Variants in CADM2 observed in about 807,000 individuals in gnomAD.
CADM2 encodes immunoglobulin superfamily member 4D.
CADM2 carries 12 observed loss-of-function variants against 49.8 expected under a neutral mutation model. The observed-to-expected ratio is 0.24, with a 90% confidence interval of 0.15 to 0.39. The LOEUF (loss-of-function observed/expected upper bound fraction) is 0.39, where lower values mean the gene tolerates loss of function less well. CADM2 is among the 10% of genes least tolerant of loss of function. The probability of loss-of-function intolerance (pLI) is 1.00; values close to 1 mark genes in which losing one functional copy is unlikely to be tolerated. For missense variants in CADM2, 378 were observed against 492.3 expected (o/e 0.77, Z 2.20); for synonymous variants, 214 against 175.4 (o/e 1.22, Z -1.74).
chr3:86,009,198 T>G, intron 8 of CADM2, among the ~76,000 whole-genome samples: 1 of 94,260 alleles, frequency 1.1e-5, no homozygotes, highest in Admixed American at 1.2e-4. Context: ...TATGTATGAA[T>G]ATATATGTGT....
At chr3:85,827,646 C>T (rs2073982233) in intron 3 of CADM2, among the ~76,000 whole-genome samples, 1 of 151,916 alleles carries the variant, frequency 6.6e-6, no homozygotes, top group Non-Finnish European at 1.5e-5. Context: ...AGAGAGACAA[C>T]TGATTAGAAA....
chr3:86,013,578 C>A (rs778810044), intron 8 of CADM2: 2 of 1,601,150 alleles, frequency 1.2e-6, no homozygotes, highest in Admixed American at 1.7e-5. Context: ...GAGCTGTATT[C>A]GAGAAGAAAC....
intron 2 of CADM2, among the ~76,000 whole-genome samples, chr3:85,761,366 AC>A (rs1229433227): frequency 7.4e-6 from 1 of 135,326 alleles, no homozygotes; most frequent in African/African-American, 3.3e-5. Flanking sequence ...ACAACACAAA[AC>A]TTTTTTTTTT....
In CADM2 at chr3:85,041,789, G is replaced by A. The variant is rs530750540; in HGVS notation, c.61+82121G>A. The stretch of plus-strand genomic sequence containing the variant: ...AGGAAGAAAATGGTGTTACTGTTTC[G>A]TACTTTCATTGTGCCGTGGCAGACA... On this transcript the variant is annotated intron_variant, in intron 1 of 9. Coordinates refer to ENST00000383699, the MANE Select transcript of CADM2 (RefSeq NM_001167675.2). Among the ~76,000 whole-genome samples, 7 of 152,256 alleles carry A rather than the reference G, an allele frequency of 4.6e-5. No homozygotes were observed. In the East Asian group the frequency reaches 1.4e-3, roughly 30 times the overall value.
chr3:85,660,132 G>A (rs2065354147), intron 1 of CADM2, among the ~76,000 whole-genome samples: 1 of 152,042 alleles, frequency 6.6e-6, no homozygotes, highest in African/African-American at 2.4e-5. Flanking sequence ...TGTTTCTAGG[G>A]CAGGCTCTCA....
At chr3:86,005,598 A>T (rs1332524993) in intron 8 of CADM2, among the ~76,000 whole-genome samples, 1 of 151,868 alleles carries the variant, frequency 6.6e-6, no homozygotes. Flanking sequence ...GTATATATTT[A>T]TGTGGTGTAT....
At chr3:85,019,337 C>T (rs568572243) in intron 1 of CADM2, among the ~76,000 whole-genome samples, 1 of 152,086 alleles carries the variant, frequency 6.6e-6, no homozygotes, top group East Asian at 1.9e-4. Flanking sequence ...TTAAAAATTA[C>T]CAGGGTGTGG....
chr3:86,016,826 C>CT (rs1732299906), intron 8 of CADM2, among the ~76,000 whole-genome samples: 1 of 151,966 alleles, frequency 6.6e-6, no homozygotes, highest in African/African-American at 2.4e-5. Context: ...CAAAAGTGTT[C>CT]TTTTTTATAA....
chr3:85,711,699 G>A (rs1309533021), intron 1 of CADM2, among the ~76,000 whole-genome samples: 1 of 151,966 alleles, frequency 6.6e-6, no homozygotes, highest in Non-Finnish European at 1.5e-5. Context: ...TTTAAATATG[G>A]CTATTATAGA....
intron 1 of CADM2, among the ~76,000 whole-genome samples, chr3:85,574,119 A>T (rs2062561780): frequency 6.6e-6 from 1 of 152,180 alleles, no homozygotes; most frequent in East Asian, 1.9e-4. Context: ...TTGAAGGGTT[A>T]ACATTTAAGC....
At chr3:85,026,989 CACG>C (rs2034755380) in intron 1 of CADM2, among the ~76,000 whole-genome samples, 1 of 151,664 alleles carries the variant, frequency 6.6e-6, no homozygotes, top group Non-Finnish European at 1.5e-5. Flanking sequence ...ATTAGTTTTT[CACG>C]ACATGTCTTT....
At chr3:85,626,253 A>G (rs1458412859) in intron 1 of CADM2, among the ~76,000 whole-genome samples, 1 of 152,032 alleles carries the variant, frequency 6.6e-6, no homozygotes, top group African/African-American at 2.4e-5. Flanking sequence ...TGACAGCTCA[A>G]TAATTACAAA....
intron 1 of CADM2, among the ~76,000 whole-genome samples, chr3:85,181,300 C>A (rs2040927923): frequency 6.6e-6 from 1 of 152,072 alleles, no homozygotes; most frequent in African/African-American, 2.4e-5. Context: ...GTGGTTAATT[C>A]TTTTATTCAT....
chr3:85,769,410 C>T lies in CADM2; in HGVS notation c.89-32637C>T, dbSNP rs1281516279. Among the ~76,000 whole-genome samples the T allele has an allele frequency of 2.0e-5, 2 of 97,640 alleles. 1 individual carries two copies. Among genetic ancestry groups the T allele is most frequent in the African/African-American group, 9.0e-5 (2 of 22,346 alleles). 64.1% of individuals were successfully genotyped at this position (97,640 alleles called of 152,430 possible). A position where few individuals can be genotyped will look rare whatever the true frequency, so the allele number is the denominator to read the frequency against. ...TATACATATATAGTATATATATACA[C>T]GTATATACATATATACATATATAGT... On this transcript the variant is annotated intron_variant, in intron 2 of 9. Coordinates refer to ENST00000383699, the MANE Select transcript of CADM2 (RefSeq NM_001167675.2).
chr3:85,453,082 CTACACAGTCAGCCT>C (rs2037825106), intron 1 of CADM2, among the ~76,000 whole-genome samples: 1 of 152,116 alleles, frequency 6.6e-6, no homozygotes, highest in Admixed American at 6.6e-5. Context: ...ATTATAAAAA[CTACACAGTCAGCCT>C]TTATTTGTTT....
In CADM2 at chr3:85,988,163, C is replaced by T. The variant is rs541315818; in HGVS notation, c.970+26516C>T. Reference sequence around the variant, plus strand: ...GGGTCTAATACAATCTATTAACTTTCGGGAGTTCATGGAATTCCAATAAGT... The same window carrying T: ...GGGTCTAATACAATCTATTAACTTTTGGGAGTTCATGGAATTCCAATAAGT... On this transcript the variant is annotated intron_variant, in intron 8 of 9. Coordinates refer to ENST00000383699, the MANE Select transcript of CADM2 (RefSeq NM_001167675.2). Among the ~76,000 whole-genome samples the T allele has an allele frequency of 5.0e-4, 76 of 152,256 alleles. No individual in the cohort carries two copies. In the Middle Eastern group the frequency reaches 0.01, roughly 20 times the overall value.
At chr3:85,228,796 G>A (rs928299438) in intron 1 of CADM2, among the ~76,000 whole-genome samples, 4 of 152,084 alleles carry the variant, frequency 2.6e-5, no homozygotes, top group Admixed American at 6.5e-5. Flanking sequence ...GTCTACACAG[G>A]GGTCAGGGAC....
chr3:85,251,243 G>T (rs1251650421), intron 1 of CADM2, among the ~76,000 whole-genome samples: 1 of 151,692 alleles, frequency 6.6e-6, no homozygotes, highest in African/African-American at 2.4e-5. Flanking sequence ...CATTTGTTAA[G>T]CATGTCCAAA....
intron 1 of CADM2, among the ~76,000 whole-genome samples, chr3:85,224,084 A>G (rs528885556): frequency 6.6e-6 from 1 of 152,276 alleles, no homozygotes; most frequent in African/African-American, 2.4e-5. Flanking sequence ...GTATCTTTAT[A>G]GTAGAATGAT....
Sources: allele counts gnomAD v4.1 joint callset (sites outside exome capture counted in the v4.1 genomes callset), GRCh38; gene constraint gnomAD v4.1.1; transcripts MANE v1.5; gene names NCBI Gene and HGNC (gene_info 2026-07-23, HGNC 2026-07-21).